CSNK1G1: variants seen among roughly 807,000 people sequenced by gnomAD.
CSNK1G1 encodes the protein casein kinase 1 gamma 1, also known as casein kinase I isoform gamma-1.
CSNK1G1 carries 22 observed loss-of-function variants against 59.6 expected under a neutral mutation model. The ratio of observed to expected loss-of-function variants is 0.37; its 90% CI spans 0.26 to 0.53. The LOEUF is 0.53. CSNK1G1 is among the 20% of genes least tolerant of loss of function. The pLI is 0.89. For missense variants in CSNK1G1, 384 were observed against 519.5 expected, an observed-to-expected ratio of 0.74 and a Z score of 2.54; for synonymous variants, 179 against 177.1, an observed-to-expected ratio of 1.01 and a Z score of -0.08.
At chr15:64,338,155 G>A (rs1267033501) in intron 1 of CSNK1G1, among the ~76,000 whole-genome samples, 3 of 152,112 alleles carry the variant, frequency 2.0e-5, no homozygotes, top group Non-Finnish European at 4.4e-5. Context: ...AGTCCTATGT[G>A]TAACCTTTCG....
chr15:64,319,845 C>T (rs1018586342), intron 1 of CSNK1G1, among the ~76,000 whole-genome samples: 1 of 150,764 alleles, frequency 6.6e-6, no homozygotes, highest in Admixed American at 6.6e-5. Flanking sequence ...AATGTAACAC[C>T]TTTATTTTGA....
intron 3 of CSNK1G1, 112 bp from the exon 4 acceptor site, chr15:64,251,693 T>A: frequency 2.8e-6 from 2 of 714,018 alleles, no homozygotes; most frequent in Non-Finnish European, 4.9e-6. Context: ...AGAGATAATA[T>A]CCATATATAA....
At chr15:64,180,571 G>A in intron 10 of CSNK1G1, 117 bp from the exon 11 acceptor site, 1 of 775,390 alleles carries the variant, frequency 1.3e-6, no homozygotes, top group Non-Finnish European at 2.2e-6. Flanking sequence ...CTGGGTTAAG[G>A]GATCAATTTA....
intron 1 of CSNK1G1, among the ~76,000 whole-genome samples, chr15:64,319,432 C>A (rs902501564): frequency 6.7e-6 from 1 of 149,934 alleles, no homozygotes; most frequent in African/African-American, 2.5e-5. Context: ...TTTTTTTTTC[C>A]AAAAATGCTT....
At chr15:64,321,066 T>C (rs914638858) in intron 1 of CSNK1G1, among the ~76,000 whole-genome samples, 3 of 152,246 alleles carry the variant, frequency 2.0e-5, no homozygotes, top group Non-Finnish European at 4.4e-5. Flanking sequence ...ATAGAGAAAT[T>C]CAGAATAGTA....
chr15:64,235,928 T>G (rs1428885432), intron 4 of CSNK1G1, among the ~76,000 whole-genome samples: 2 of 152,036 alleles, frequency 1.3e-5, no homozygotes, highest in African/African-American at 4.8e-5. Context: ...ATAGGGAACA[T>G]AACAGGTAGA....
intron 11 of CSNK1G1, among the ~76,000 whole-genome samples, chr15:64,177,890 AG>A (rs2081759948): frequency 6.6e-6 from 1 of 152,248 alleles, no homozygotes; most frequent in Non-Finnish European, 1.5e-5. Flanking sequence ...CTAAACTTCT[AG>A]CCTTCAAAGT....
chr15:64,260,427 G>A (rs1047581199), intron 2 of CSNK1G1, among the ~76,000 whole-genome samples: 3 of 152,074 alleles, frequency 2.0e-5, no homozygotes, highest in Non-Finnish European at 4.4e-5. Context: ...AGTATTTTCT[G>A]ATTTTTATAT....
intron 4 of CSNK1G1, among the ~76,000 whole-genome samples, chr15:64,225,874 G>C (rs1383095801): frequency 6.6e-6 from 1 of 152,152 alleles, no homozygotes; most frequent in African/African-American, 2.4e-5. Context: ...TGATCCACCT[G>C]CCTCGGCCTC....
In CSNK1G1 at chr15:64,355,984, A is replaced by T. The variant is rs1898653408; in HGVS notation, c.-225+4T>A. The T allele has an allele frequency of 6.6e-6, 1 of 150,570 alleles. No individual in the cohort carries two copies. The highest frequency in any genetic ancestry group is 1.5e-5 in the Non-Finnish European group (1 of 67,846). The allele number at this position is 150,570 out of a possible 1,614,324, so 9.3% of individuals were successfully genotyped here. On this transcript the variant is annotated splice_donor_region_variant and intron_variant, in intron 1 of 11. Coordinates refer to ENST00000303052, the MANE Select transcript of CSNK1G1 (RefSeq NM_022048.5). ...ACAGAACCCCGACGAAGCCGGGCAG[A>T]TACCTGGTCCAGCAGTGCTGCAAGG...
chr15:64,304,361 C>A (rs1343247885), intron 1 of CSNK1G1, among the ~76,000 whole-genome samples: 2 of 110,112 alleles, frequency 1.8e-5, no homozygotes, highest in African/African-American at 3.6e-5. Flanking sequence ...CCAGCCTGGG[C>A]AACGAGAGCG....
At chr15:64,238,135 T>G (rs1350394319) in intron 4 of CSNK1G1, among the ~76,000 whole-genome samples, 1 of 152,086 alleles carries the variant, frequency 6.6e-6, no homozygotes, top group Non-Finnish European at 1.5e-5. Flanking sequence ...GCTCTTTCAC[T>G]GGGGGAAATT....
chr15:64,175,185 A>G (rs549510859), intron 11 of CSNK1G1, among the ~76,000 whole-genome samples: 195 of 152,186 alleles, frequency 1.3e-3, no homozygotes, highest in Middle Eastern at 6.8e-3. Context: ...TGATCCCCTA[A>G]GACTATAAAT....
intron 2 of CSNK1G1, among the ~76,000 whole-genome samples, chr15:64,298,698 G>C (rs1895154100): frequency 6.6e-6 from 1 of 152,168 alleles, no homozygotes; most frequent in Admixed American, 6.6e-5. Context: ...GGGGATCAGA[G>C]ATAAGATTTT....
chr15:64,277,966 ATAT>A (rs1331675143), intron 2 of CSNK1G1, among the ~76,000 whole-genome samples: 1 of 145,944 alleles, frequency 6.9e-6, no homozygotes, highest in African/African-American at 2.5e-5. Context: ...GTTGAATAAT[ATAT>A]TAATATTGAT....
At chr15:64,234,046 T>G (rs2082582981) in intron 4 of CSNK1G1, among the ~76,000 whole-genome samples, 1 of 152,162 alleles carries the variant, frequency 6.6e-6, no homozygotes, top group African/African-American at 2.4e-5. Context: ...ACACCACACT[T>G]TTCCTCATCT....
rs1310309058 is a variant in CSNK1G1, at chr15:64,168,352, G to C, written c.*3579C>G. 1.3e-5 allele frequency: 2 copies of C among 152,562 alleles called. No homozygotes were observed. Among genetic ancestry groups the C allele is most frequent in the Non-Finnish European group, 2.9e-5 (2 of 68,054 alleles). 9.5% of individuals were successfully genotyped at this position (152,562 alleles called of 1,614,324 possible). On this transcript the variant is annotated 3_prime_UTR_variant, in exon 12 of 12. Coordinates refer to ENST00000303052, the MANE Select transcript of CSNK1G1 (RefSeq NM_022048.5). ...CACCCTTGGGGGCAGTCTGGAGTGA[G>C]ATCTCTGGAAAGCACCAAGGTGCGT...
chr15:64,338,111 T>C (rs530712007), intron 1 of CSNK1G1, among the ~76,000 whole-genome samples: 1 of 152,300 alleles, frequency 6.6e-6, no homozygotes, highest in Non-Finnish European at 1.5e-5. Flanking sequence ...CTTTTAGATA[T>C]ATGCCTAAGA....
At chr15:64,207,740 T>G (rs2082201152) in intron 6 of CSNK1G1, 146 bp from the exon 7 acceptor site, 1 of 625,912 alleles carries the variant, frequency 1.6e-6, no homozygotes, top group Non-Finnish European at 2.9e-6. Flanking sequence ...GGATAGTATT[T>G]TAGATCAAAA....
Sources: allele counts gnomAD v4.1 joint callset (sites outside exome capture counted in the v4.1 genomes callset), GRCh38; gene constraint gnomAD v4.1.1; transcripts MANE v1.5; gene names NCBI Gene and HGNC (gene_info 2026-07-23, HGNC 2026-07-21).